Variants in H2BC18 observed in about 807,000 individuals in gnomAD.
The protein encoded by H2BC18 is histone H2B type 2-F.
In H2BC18, 8 loss-of-function variants were observed where a neutral mutation model predicts 6.3. The observed-to-expected ratio is 1.28, with a 90% CI of 0.75 to 2.31. The LOEUF is 2.31. Ranked by LOEUF, H2BC18 falls within the 30% of genes most tolerant of loss-of-function variation. The probability of loss-of-function intolerance (pLI) is 0.00; values close to 1 mark genes in which losing one functional copy is unlikely to be tolerated. For synonymous variants in H2BC18, 104 were observed against 78.1 expected, an observed-to-expected ratio of 1.33 and a Z score of -1.75; for missense variants, 106 against 174.5, an observed-to-expected ratio of 0.61 and a Z score of 2.21.
chr1:149,809,517 A>G (rs1248552154), downstream of H2BC18, among the ~76,000 whole-genome samples: 1 of 148,830 alleles, frequency 6.7e-6, no homozygotes, highest in Non-Finnish European at 1.5e-5. Flanking sequence ...CTCTCAGATC[A>G]ATTTTCTAGT....
At chr1:149,808,301 G>T (rs1481344813), downstream of H2BC18, among the ~76,000 whole-genome samples, 60 of 152,228 alleles carry the variant, frequency 3.9e-4, no homozygotes, top group African/African-American at 1.4e-3. Flanking sequence ...GGATACCTTT[G>T]TGTCTCCATC....
intron 1 of H2BC18, chr1:149,790,172 C>T: frequency 6.2e-7 from 1 of 1,613,892 alleles, no homozygotes; most frequent in East Asian, 2.2e-5. Context: ...TGCAGCTTTA[C>T]TTCTCCTTCT....
At chr1:149,804,359 T>G (rs2091899278) in intron 1 of H2BC18, among the ~76,000 whole-genome samples, 1 of 152,244 alleles carries the variant, frequency 6.6e-6, no homozygotes, top group South Asian at 2.1e-4. Flanking sequence ...ATTTCCTAAT[T>G]TATTATTTTC....
chr1:149,804,493 T>G (rs1416807362), intron 1 of H2BC18, among the ~76,000 whole-genome samples: 21 of 152,384 alleles, frequency 1.4e-4, no homozygotes, highest in Admixed American at 1.2e-3. Flanking sequence ...TAATGCAAGA[T>G]GCTTAGGGAA....
chr1:149,799,801 C>A (rs985949), intron 1 of H2BC18, among the ~76,000 whole-genome samples: 1 of 152,222 alleles, frequency 6.6e-6, no homozygotes, highest in African/African-American at 2.4e-5. Context: ...TCTTGATCAT[C>A]ATGAGGACGG....
intron 1 of H2BC18, chr1:149,803,535 T>C (rs1203284501): frequency 3.3e-5 from 5 of 152,062 alleles, no homozygotes; most frequent in Non-Finnish European, 7.4e-5. Context: ...TCTCTCCCCC[T>C]CTCTTTCTGT....
At chr1:149,802,358 T>C (rs2091880999) in intron 1 of H2BC18, among the ~76,000 whole-genome samples, 1 of 152,096 alleles carries the variant, frequency 6.6e-6, no homozygotes, top group Admixed American at 6.5e-5. Flanking sequence ...TACAAGTTAA[T>C]CAGCATACCT....
chr1:149,810,947 AT>A (rs1553754367), downstream of H2BC18: 2 of 152,228 alleles, frequency 1.3e-5, no homozygotes, highest in African/African-American at 4.8e-5. Context: ...GACTCTTATA[AT>A]TGGGAAAGTT....
downstream of H2BC18, among the ~76,000 whole-genome samples, chr1:149,807,525 GGC>G (rs1252657911): frequency 2.0e-4 from 10 of 50,562 alleles, no homozygotes; most frequent in African/African-American, 4.3e-4. Context: ...GGGGGGGGGG[GGC>G]GGGCATGGTG....
chr1:149,809,422 G>C (rs1340240926), downstream of H2BC18, among the ~76,000 whole-genome samples: 2 of 152,034 alleles, frequency 1.3e-5, no homozygotes, highest in African/African-American at 2.4e-5. Context: ...ATAATTAAAA[G>C]AGTATCCATA....
chr1:149,799,030 C>T (rs868973846), intron 1 of H2BC18, among the ~76,000 whole-genome samples: 84 of 143,362 alleles, frequency 5.9e-4, no homozygotes, highest in African/African-American at 1.9e-3. Flanking sequence ...TTCTACATCA[C>T]CTGGAATTTG....
chr1:149,812,146 T>C lies in H2BC18; in HGVS notation c.178A>G (p.Met60Val). The C allele has an allele frequency of 1.2e-6, 2 of 1,614,280 alleles. No individual in the cohort carries two copies. The highest frequency in any genetic ancestry group is 8.5e-7 in the Non-Finnish European group (1 of 1,180,046). The stretch of plus-strand genomic sequence containing the variant: ...TTGACGAAGGAGTTCATGATGCCCA[T>C]GGCCTTGGACGAGATGCCGGTGTCG... ...HPDTGISSKA[M>V]GIMNSFVNDI... Residue 60 changes from methionine (M) to valine (V), a missense_variant, in exon 1 of 1, where the codon ATG becomes GTG. This residue lies in a region of H2BC18 where 35 missense variants were observed against 72.3 expected (regional missense o/e 0.48). Transcript: ENST00000369167.
intron 1 of H2BC18, among the ~76,000 whole-genome samples, chr1:149,802,042 T>A (rs1302973256): frequency 1.3e-5 from 2 of 152,062 alleles, no homozygotes; most frequent in Admixed American, 1.3e-4. Flanking sequence ...AAAATTCAAG[T>A]TTTACTTGGT....
chr1:149,800,956 C>CA (rs1405296564), intron 1 of H2BC18, among the ~76,000 whole-genome samples: 1 of 152,174 alleles, frequency 6.6e-6, no homozygotes, highest in Non-Finnish European at 1.5e-5. Context: ...TGTGGTGGTA[C>CA]ATGCCTGTGG....
At position 149,804,002 on chromosome 1, in the gene H2BC18, T is replaced by G. The variant is rs1295904597; in HGVS notation, c.377+7945A>C. 8 of 152,252 alleles carry G rather than the reference T, an allele frequency of 5.3e-5. No individual in the cohort carries two copies. The East Asian group carries it at 1.5e-3, about 29-fold the overall frequency. 9.4% of individuals were successfully genotyped at this position (152,252 alleles called of 1,614,324 possible). ...TAAGCAGAAATGATTAAATCCAAAA[T>G]CATCAACATGACTCCACCAACCCCA... On this transcript the variant is annotated intron_variant, in intron 1 of 1. Coordinates refer to the H2BC18 transcript ENST00000545683.
downstream of H2BC18, chr1:149,811,826 A>T (rs2091978210): frequency 1.1e-6 from 1 of 928,582 alleles, no homozygotes; most frequent in East Asian, 2.6e-5. Context: ...TCCCTACCTG[A>T]CCAAAAGCTA....
chr1:149,796,895 G>C (rs1553752837), intron 1 of H2BC18, among the ~76,000 whole-genome samples: 1 of 152,066 alleles, frequency 6.6e-6, no homozygotes, highest in Non-Finnish European at 1.5e-5. Flanking sequence ...CTCAGTGTTT[G>C]GTAAAGCTGT....
chr1:149,787,507 G>C (rs1291478400), intron 1 of H2BC18: 1 of 152,376 alleles, frequency 6.6e-6, no homozygotes, highest in Admixed American at 6.5e-5. Context: ...TTTATATCTG[G>C]ATGTTTGCCC....
At chr1:149,808,404 A>T (rs1302640511), downstream of H2BC18, among the ~76,000 whole-genome samples, 3 of 151,874 alleles carry the variant, frequency 2.0e-5, no homozygotes, top group African/African-American at 7.3e-5. Flanking sequence ...TTCACATAAC[A>T]TTTCCTTCTT....
Sources: allele counts gnomAD v4.1 joint callset (sites outside exome capture counted in the v4.1 genomes callset), GRCh38; gene constraint gnomAD v4.1.1; regional missense constraint gnomAD v4.1.1; transcripts MANE v1.5; gene names NCBI Gene and HGNC (gene_info 2026-07-23, HGNC 2026-07-21).